Variants in DACH2 observed in about 807,000 individuals in gnomAD.
DACH2 encodes the protein dachshund homolog 2.
A neutral mutation model predicts 35.8 loss-of-function variants in DACH2; 17 were observed. The observed-to-expected ratio is 0.48, with a 90% confidence interval of 0.33 to 0.71. The LOEUF is 0.71. DACH2 is among the 30% of genes least tolerant of loss of function. DACH2 has a pLI of 0.02. For synonymous variants in DACH2, 195 were observed against 177.3 expected (o/e 1.10, Z -0.79); for missense variants, 469 against 472.7 (o/e 0.99, Z 0.07).
chrX:86,339,138 C>A (rs1482636133), intron 1 of DACH2, among the ~76,000 whole-genome samples: 1 of 111,472 alleles, frequency 9.0e-6, no homozygotes, highest in South Asian at 3.8e-4. Flanking sequence ...ACCAGAGGTA[C>A]AAAGAGGAGT....
rs2041138741 is a variant in DACH2, at chrX:86,701,238, T to A, written c.931+6059T>A. ...AAATAAATACATGTGATTCATCATA[T>A]AAAGAGAAGTAAAAACAAAAACCAC... On this transcript the variant is annotated intron_variant, in intron 5 of 11. Coordinates refer to ENST00000373125, the MANE Select transcript of DACH2 (RefSeq NM_053281.3). Among the ~76,000 whole-genome samples the A allele has an allele frequency of 2.7e-5, 3 of 111,501 alleles. No individual in the cohort carries two copies. In the Admixed American group the frequency reaches 2.9e-4, roughly 11 times the overall value.
chrX:86,380,582 A>T (rs1011842829), intron 2 of DACH2, among the ~76,000 whole-genome samples: 3 of 110,449 alleles, frequency 2.7e-5, no homozygotes, highest in African/African-American at 9.8e-5. Context: ...AAACTTGTGG[A>T]TCAATATTCA....
chrX:86,539,220 G>A (rs1273448306), intron 3 of DACH2, among the ~76,000 whole-genome samples: 1 of 111,005 alleles, frequency 9.0e-6, no homozygotes, highest in Non-Finnish European at 1.9e-5. Context: ...AGTGCTTGGC[G>A]GTTTCCCCTT....
At chrX:86,503,298 A>AT (rs1414807758) in intron 2 of DACH2, among the ~76,000 whole-genome samples, 1 of 111,709 alleles carries the variant, frequency 9.0e-6, no homozygotes, top group Non-Finnish European at 1.9e-5. Context: ...GTATCGGGAT[A>AT]TTTTTCTAAT....
chrX:86,698,521 GTTTTTTTT>G (rs767152609), intron 5 of DACH2, among the ~76,000 whole-genome samples: 509 of 32,951 alleles, frequency 0.015, 10 homozygotes, highest in Non-Finnish European at 0.022. Context: ...TTAGTTTTGT[GTTTTTTTT>G]TTTTTTTTTT....
chrX:86,610,447 T>A (rs1193387673), intron 3 of DACH2, among the ~76,000 whole-genome samples: 1 of 101,224 alleles, frequency 9.9e-6, no homozygotes, highest in East Asian at 3.1e-4. Context: ...TCTTTCTTTC[T>A]TTTTCTTTCG....
At chrX:86,666,015 C>T (rs749414945) in intron 4 of DACH2, among the ~76,000 whole-genome samples, 5 of 110,983 alleles carry the variant, frequency 4.5e-5, no homozygotes, top group Non-Finnish European at 9.4e-5. Flanking sequence ...TTTCAGAAAA[C>T]TCATCATCAT....
At chrX:86,181,160 C>CTATCTATA (rs1474626831) in intron 1 of DACH2, among the ~76,000 whole-genome samples, 3 of 108,072 alleles carry the variant, frequency 2.8e-5, no homozygotes, top group African/African-American at 1.0e-4. Context: ...GACTGTCTAT[C>CTATCTATA]TATCTATCTA....
intron 11 of DACH2, among the ~76,000 whole-genome samples, chrX:86,818,508 G>T (rs2147357929): frequency 9.0e-6 from 1 of 111,311 alleles, no homozygotes; most frequent in African/African-American, 3.2e-5. Flanking sequence ...TGGAAAACAT[G>T]AAATGCAAGC....
At chrX:86,441,522 C>A (rs1209710329) in intron 2 of DACH2, among the ~76,000 whole-genome samples, 2 of 96,962 alleles carry the variant, frequency 2.1e-5, no homozygotes, top group African/African-American at 3.9e-5. Context: ...TGTGTATACA[C>A]CACATTTTCT....
At chrX:86,358,594 G>A (rs999460314) in intron 1 of DACH2, among the ~76,000 whole-genome samples, 1 of 110,350 alleles carries the variant, frequency 9.1e-6, no homozygotes, top group South Asian at 3.9e-4. Flanking sequence ...CAATTGCTGG[G>A]GAGCAAACTC....
chrX:86,553,959 G>T (rs1382299979), intron 3 of DACH2, among the ~76,000 whole-genome samples: 1 of 111,389 alleles, frequency 9.0e-6, no homozygotes, highest in East Asian at 2.8e-4. Flanking sequence ...GACTGCTCAG[G>T]ATAATTTTTT....
intron 1 of DACH2, among the ~76,000 whole-genome samples, chrX:86,359,565 T>C (rs1394580760): frequency 9.0e-6 from 1 of 111,169 alleles, no homozygotes; most frequent in East Asian, 2.9e-4. Context: ...CTGGTCAACA[T>C]AGTGAGACCC....
At chrX:86,745,933 T>C (rs1169732801) in intron 7 of DACH2, among the ~76,000 whole-genome samples, 2 of 111,112 alleles carry the variant, frequency 1.8e-5, no homozygotes, top group Admixed American at 9.6e-5. Flanking sequence ...CCCATTCTGA[T>C]TGGTGTGAGA....
intron 1 of DACH2, among the ~76,000 whole-genome samples, chrX:86,287,519 C>G (rs1323052664): frequency 9.0e-6 from 1 of 111,400 alleles, no homozygotes; most frequent in Admixed American, 9.6e-5. Context: ...GCCGGTAACT[C>G]TTATATTTGC....
At chrX:86,433,708 T>G (rs995153266) in intron 2 of DACH2, among the ~76,000 whole-genome samples, 2 of 111,816 alleles carry the variant, frequency 1.8e-5, no homozygotes, top group Non-Finnish European at 3.8e-5. Flanking sequence ...TTTATGTCTT[T>G]ATTTTGGAAT....
chrX:86,383,570 T>A (rs1171579982), intron 2 of DACH2, among the ~76,000 whole-genome samples: 1 of 99,898 alleles, frequency 1.0e-5, no homozygotes, highest in Non-Finnish European at 2.0e-5. Flanking sequence ...AGAATACCCA[T>A]GTGCTTTGCC....
chrX:86,378,127 A>AT (rs375058206), intron 2 of DACH2, among the ~76,000 whole-genome samples: 22 of 110,534 alleles, frequency 2.0e-4, no homozygotes, highest in African/African-American at 6.5e-4. Flanking sequence ...TTTATTTTTG[A>AT]TTTTCTAGTA....
intron 3 of DACH2, among the ~76,000 whole-genome samples, chrX:86,567,638 A>G (rs757026668): frequency 1.8e-5 from 2 of 111,817 alleles, no homozygotes; most frequent in South Asian, 7.4e-4. Context: ...AGAGCTTGGC[A>G]AGTACAGTGC....
Sources: gnomAD v4.1 joint callset for allele counts (sites outside exome capture counted in the v4.1 genomes callset) on GRCh38, gnomAD v4.1.1 for gene constraint, MANE v1.5 for transcripts, NCBI Gene and HGNC (gene_info 2026-07-23, HGNC 2026-07-21) for gene names.